The following GPC5 variants were observed in gnomAD, a reference collection of about 807,000 sequenced individuals.
GPC5 encodes glypican-5.
GPC5 carries 47 observed loss-of-function variants against 53.9 expected under a neutral mutation model. The observed-to-expected ratio is 0.87, with a 90% CI of 0.69 to 1.11. The LOEUF is 1.11. Among genes scored for constraint, GPC5 ranks in the 50% most tolerant of loss-of-function variants. The pLI, the probability that GPC5 is intolerant of heterozygous loss-of-function variation, is 0.00. For missense variants in GPC5, 748 were observed against 713.1 expected (o/e 1.05, Z -0.56); for synonymous variants, 286 against 263.3 (o/e 1.09, Z -0.84).
chr13:91,632,458 G>T (rs1291675809), intron 2 of GPC5, among the ~76,000 whole-genome samples: 1 of 152,036 alleles, frequency 6.6e-6, no homozygotes, highest in Non-Finnish European at 1.5e-5. Context: ...TTCTGAATGT[G>T]TTTATTTCAT....
chr13:92,565,191 A>C (rs1373789096), intron 7 of GPC5, among the ~76,000 whole-genome samples: 1 of 152,122 alleles, frequency 6.6e-6, no homozygotes, highest in Non-Finnish European at 1.5e-5. Context: ...ATTTTAAAGG[A>C]AAATAGATTT....
At chr13:92,405,338 G>A (rs767940559) in intron 7 of GPC5, among the ~76,000 whole-genome samples, 3 of 152,176 alleles carry the variant, frequency 2.0e-5, no homozygotes, top group Non-Finnish European at 4.4e-5. Context: ...TAGAGTACAT[G>A]TAGAAAACCC....
At chr13:91,646,894 G>T (rs1001183223) in intron 2 of GPC5, among the ~76,000 whole-genome samples, 1 of 152,038 alleles carries the variant, frequency 6.6e-6, no homozygotes, top group African/African-American at 2.4e-5. Flanking sequence ...GAATTAGGAA[G>T]CTTCTGTAAT....
chr13:91,399,381 C>A (rs1359197688), intron 1 of GPC5, among the ~76,000 whole-genome samples, 172 bp downstream of exon 1: 3 of 152,154 alleles, frequency 2.0e-5, no homozygotes, highest in Non-Finnish European at 4.4e-5. Context: ...CTGAGTGCAG[C>A]GCAGCGCAGC....
intron 7 of GPC5, among the ~76,000 whole-genome samples, chr13:92,147,965 T>C (rs1227656369): frequency 2.6e-5 from 4 of 152,108 alleles, no homozygotes; most frequent in African/African-American, 4.8e-5. Flanking sequence ...TTAGATGGTC[T>C]TAATGACTTC....
At chr13:91,465,068 A>C (rs1403603640) in intron 2 of GPC5, among the ~76,000 whole-genome samples, 1 of 152,104 alleles carries the variant, frequency 6.6e-6, no homozygotes. Context: ...TACCTTAATC[A>C]ATTTTTAAAC....
At chr13:91,409,232 TC>T in intron 1 of GPC5, among the ~76,000 whole-genome samples, 1 of 152,256 alleles carries the variant, frequency 6.6e-6, no homozygotes, top group East Asian at 1.9e-4. Flanking sequence ...CAGCCTGTTC[TC>T]ACCAGGCTTG....
chr13:91,589,155 T>C (rs1310871955), intron 2 of GPC5, among the ~76,000 whole-genome samples: 1 of 152,038 alleles, frequency 6.6e-6, no homozygotes, highest in Non-Finnish European at 1.5e-5. Context: ...CTTCCTACCC[T>C]TGATAGCTCC....
chr13:92,629,222 A>C (rs1361685577), intron 7 of GPC5, among the ~76,000 whole-genome samples: 3 of 152,218 alleles, frequency 2.0e-5, no homozygotes, highest in Non-Finnish European at 2.9e-5. Context: ...AATCCTTTCC[A>C]GTTAAACAAA....
intron 7 of GPC5, among the ~76,000 whole-genome samples, chr13:92,801,116 GTA>G (rs1285325189): frequency 3.3e-5 from 5 of 151,832 alleles, no homozygotes; most frequent in African/African-American, 9.6e-5. Flanking sequence ...ATATGTGTGT[GTA>G]TGTGTGTGTG....
In GPC5 at chr13:91,734,325, C is replaced by T. The variant is rs1296456135; in HGVS notation, c.1154+5660C>T. Among the ~76,000 whole-genome samples, 3 of 151,270 alleles carry T rather than the reference C, an allele frequency of 2.0e-5. 1 individual carries two copies. The highest frequency in any genetic ancestry group is 7.4e-5 in the African/African-American group (3 of 40,636). ...TGGCGTTCACTCCGTGAGTTGGGGACTCTTTATGGGGATTGTGCGATGGGT... is the reference window on the plus strand; with the variant it reads ...TGGCGTTCACTCCGTGAGTTGGGGATTCTTTATGGGGATTGTGCGATGGGT... On this transcript the variant is annotated intron_variant, in intron 4 of 7. Transcript: ENST00000377067.
chr13:92,540,842 G>A (rs1881909570), intron 7 of GPC5, among the ~76,000 whole-genome samples: 1 of 151,792 alleles, frequency 6.6e-6, no homozygotes, highest in African/African-American at 2.4e-5. Flanking sequence ...ACCTCAGAAT[G>A]GTAATCATGT....
chr13:91,630,603 G>A (rs1415132192), intron 2 of GPC5, among the ~76,000 whole-genome samples: 1 of 152,166 alleles, frequency 6.6e-6, no homozygotes, highest in Non-Finnish European at 1.5e-5. Context: ...GTTACAGTCA[G>A]TGGCATCTCT....
chr13:91,412,363 C>T (rs1877869868), intron 1 of GPC5, among the ~76,000 whole-genome samples: 1 of 152,182 alleles, frequency 6.6e-6, no homozygotes, highest in Non-Finnish European at 1.5e-5. Flanking sequence ...ATTTCTTGTT[C>T]ACTGCCTTTC....
At position 91,824,224 on chromosome 13, in the gene GPC5, A is replaced by G. The variant is rs184188938; in HGVS notation, c.1280+67804A>G. 5.5e-4 allele frequency among the ~76,000 whole-genome samples: 84 copies of G among 152,178 alleles called. 1 individual carries two copies. Among genetic ancestry groups the G allele is most frequent in the African/African-American group, 1.9e-3 (81 of 41,568 alleles). ...ATCATAAAACTAAATTTTGAAATCA[A>G]TTCAACAAAAATGACATAAATGGAT... On this transcript the variant is annotated intron_variant, in intron 5 of 7. Transcript: ENST00000377067.
chr13:92,439,641 G>T (rs1427292324), intron 7 of GPC5, among the ~76,000 whole-genome samples: 1 of 151,994 alleles, frequency 6.6e-6, no homozygotes, highest in Non-Finnish European at 1.5e-5. Flanking sequence ...GAAAATAAAT[G>T]TATGTTTTTA....
At chr13:92,235,811 A>G (rs2042565415) in intron 7 of GPC5, among the ~76,000 whole-genome samples, 1 of 151,936 alleles carries the variant, frequency 6.6e-6, no homozygotes, top group Non-Finnish European at 1.5e-5. Flanking sequence ...TTTCCCTTGT[A>G]GTTATCTTCT....
intron 6 of GPC5, among the ~76,000 whole-genome samples, chr13:92,074,991 G>T (rs899991304): frequency 2.0e-4 from 30 of 151,956 alleles, no homozygotes; most frequent in Admixed American, 2.0e-3. Flanking sequence ...TTGTACTTTG[G>T]TTCACTTATT....
intron 7 of GPC5, among the ~76,000 whole-genome samples, chr13:92,673,469 A>C (rs1886824599): frequency 6.6e-6 from 1 of 152,036 alleles, no homozygotes; most frequent in Non-Finnish European, 1.5e-5. Context: ...TTTTTAGTAG[A>C]GATGGGGTTT....
Sources: allele counts gnomAD v4.1 joint callset (sites outside exome capture counted in the v4.1 genomes callset), GRCh38; gene constraint gnomAD v4.1.1; transcripts MANE v1.5; gene names NCBI Gene and HGNC (gene_info 2026-07-23, HGNC 2026-07-21).